The following GRIK3 variants were observed in gnomAD, a reference collection of about 807,000 sequenced individuals.
GRIK3 encodes the protein glutamate ionotropic receptor kainate type subunit 3.
Under a neutral mutation model 102.5 loss-of-function variants are expected in GRIK3, and 29 were observed. That is an observed-to-expected ratio of 0.28 (90% CI 0.21 to 0.39). The LOEUF (loss-of-function observed/expected upper bound fraction) is 0.39, where lower values mean the gene tolerates loss of function less well. Ranked by LOEUF, GRIK3 falls within the 10% of genes least tolerant of loss-of-function variation. GRIK3 has a pLI of 1.00. For synonymous variants in GRIK3, 511 were observed against 504.9 expected, an observed-to-expected ratio of 1.01 and a Z score of -0.16; for missense variants, 908 against 1,252.4, an observed-to-expected ratio of 0.73 and a Z score of 4.15.
chr1:36,979,028 G>T (rs549526803), intron 1 of GRIK3, among the ~76,000 whole-genome samples: 1 of 152,244 alleles, frequency 6.6e-6, no homozygotes, highest in Non-Finnish European at 1.5e-5. Context: ...GACCAAGGTA[G>T]GCTGGCCTTG....
chr1:36,901,903 T>C (rs1352266398), intron 1 of GRIK3, among the ~76,000 whole-genome samples: 1 of 152,242 alleles, frequency 6.6e-6, no homozygotes, highest in Non-Finnish European at 1.5e-5. Flanking sequence ...ATACGGTTAA[T>C]ATGCAAAAGT....
At chr1:36,955,386 G>A (rs908006792) in intron 1 of GRIK3, among the ~76,000 whole-genome samples, 1 of 152,148 alleles carries the variant, frequency 6.6e-6, no homozygotes, top group Non-Finnish European at 1.5e-5. Context: ...ACACAAACAC[G>A]TGGATGGATA....
At chr1:36,840,543 C>T (rs61414374) in intron 10 of GRIK3, among the ~76,000 whole-genome samples, 27,113 of 129,386 alleles carry the variant, frequency 0.21, 3,021 homozygotes, top group African/African-American at 0.33. Flanking sequence ...TGAGACCCTG[C>T]TCTCCACCAA....
At chr1:36,878,702 T>C (rs920237950) in intron 3 of GRIK3, among the ~76,000 whole-genome samples, 1 of 152,190 alleles carries the variant, frequency 6.6e-6, no homozygotes, top group South Asian at 2.1e-4. Flanking sequence ...CAGCACAGAC[T>C]TTAGGCTCAA....
chr1:36,967,843 A>G (rs1436343258), intron 1 of GRIK3, among the ~76,000 whole-genome samples: 1 of 152,230 alleles, frequency 6.6e-6, no homozygotes, highest in Non-Finnish European at 1.5e-5. Context: ...TGTTATGATA[A>G]TTGAGATAAC....
At chr1:36,808,252 G>A (rs1253281647) in intron 13 of GRIK3, among the ~76,000 whole-genome samples, 2 of 152,138 alleles carry the variant, frequency 1.3e-5, no homozygotes, top group East Asian at 1.9e-4. Flanking sequence ...ACTCTGCTAC[G>A]CTGTCTCCCC....
intron 1 of GRIK3, among the ~76,000 whole-genome samples, chr1:36,937,695 A>T (rs1007963618): frequency 1.3e-5 from 2 of 152,182 alleles, no homozygotes; most frequent in African/African-American, 2.4e-5. Context: ...CAAAAGAAAA[A>T]AAAAGAAAAT....
chr1:36,902,066 G>T (rs1641237537), intron 1 of GRIK3, among the ~76,000 whole-genome samples: 2 of 152,158 alleles, frequency 1.3e-5, no homozygotes, highest in Non-Finnish European at 2.9e-5. Context: ...CAACTCTAAT[G>T]AAAGAAATCA....
intron 1 of GRIK3, among the ~76,000 whole-genome samples, chr1:37,032,483 T>C (rs1027222659): frequency 6.9e-6 from 1 of 145,108 alleles, no homozygotes; most frequent in Non-Finnish European, 1.5e-5. Flanking sequence ...GCTGGTCCAT[T>C]ACTGGGGGGG....
At chr1:36,951,903 G>A (rs559473401) in intron 1 of GRIK3, among the ~76,000 whole-genome samples, 8 of 152,292 alleles carry the variant, frequency 5.3e-5, no homozygotes, top group Admixed American at 3.9e-4. Context: ...GAGGGCAGCT[G>A]CCCCATGCTC....
intron 2 of GRIK3, among the ~76,000 whole-genome samples, chr1:36,887,372 G>T (rs567017839): frequency 4.6e-5 from 7 of 152,228 alleles, no homozygotes; most frequent in African/African-American, 1.7e-4. Flanking sequence ...CTCCTCAAAA[G>T]AAACTGTTAA....
intron 2 of GRIK3, among the ~76,000 whole-genome samples, chr1:36,890,469 A>G (rs930620219): frequency 5.9e-5 from 9 of 151,998 alleles, no homozygotes; most frequent in Admixed American, 5.9e-4. Context: ...GTCTAAAAAA[A>G]AAAAAAAATG....
Position 36,954,690 on chromosome 1 carries a change from T to C in GRIK3, c.116-63594A>G, listed in dbSNP as rs182589836. 1.4e-3 allele frequency among the ~76,000 whole-genome samples: 212 copies of C among 151,642 alleles called. 2 individuals carry two copies. The highest frequency in any genetic ancestry group is 5.1e-3 in the African/African-American group (209 of 41,324). ...GGGAAAGAGTGTGCATGCACATACA[T>C]ATGCATACACAGGTCCACACACACG... On this transcript the variant is annotated intron_variant, in intron 1 of 15. Coordinates refer to ENST00000373091, the MANE Select transcript of GRIK3 (RefSeq NM_000831.4).
At chr1:37,016,853 T>A (rs1642656866) in intron 1 of GRIK3, among the ~76,000 whole-genome samples, 1 of 152,002 alleles carries the variant, frequency 6.6e-6, no homozygotes, top group Admixed American at 6.5e-5. Context: ...AACCCAGAAA[T>A]AGAGTTTAGA....
At chr1:36,828,596 C>T (rs150710482) in intron 10 of GRIK3, among the ~76,000 whole-genome samples, 39 of 152,280 alleles carry the variant, frequency 2.6e-4, no homozygotes, top group African/African-American at 4.3e-4. Context: ...GTTCCAACTA[C>T]GATGAAAATG....
intron 10 of GRIK3, 109 bp downstream of exon 10, chr1:36,841,627 C>T (rs1011233713): frequency 1.1e-5 from 10 of 914,226 alleles, no homozygotes; most frequent in African/African-American, 3.2e-5. Flanking sequence ...TCCATCACTC[C>T]TGTCCCCAGG....
chr1:37,032,060 G>A (rs931041055), intron 1 of GRIK3, among the ~76,000 whole-genome samples: 2 of 152,194 alleles, frequency 1.3e-5, no homozygotes, highest in African/African-American at 2.4e-5. Flanking sequence ...GGCTTAATAC[G>A]AAGAAGATTA....
intron 5 of GRIK3, 93 bp from the exon 6 acceptor site, chr1:36,860,110 A>G (rs1640705487): frequency 3.1e-6 from 3 of 978,928 alleles, no homozygotes; most frequent in Non-Finnish European, 4.6e-6. Context: ...GGGCCGCCCC[A>G]GGGCCTGAGG....
intron 10 of GRIK3, among the ~76,000 whole-genome samples, chr1:36,833,265 C>T (rs929475174): frequency 2.6e-5 from 4 of 152,190 alleles, no homozygotes; most frequent in African/African-American, 9.7e-5. Flanking sequence ...CCCTGCCTGC[C>T]TCTCTCCAGA....
Sources: allele counts gnomAD v4.1 joint callset (sites outside exome capture counted in the v4.1 genomes callset), GRCh38; gene constraint gnomAD v4.1.1; transcripts MANE v1.5; gene names NCBI Gene and HGNC (gene_info 2026-07-23, HGNC 2026-07-21).